COL6A5: variants seen among roughly 807,000 people sequenced by gnomAD.
COL6A5 encodes the protein collagen type VI alpha 5 chain.
In COL6A5, 48 loss-of-function variants were observed where a neutral mutation model predicts 65.6. The ratio of observed to expected loss-of-function variants is 0.73; its 90% CI spans 0.58 to 0.93. COL6A5 has a LOEUF of 0.93. Among genes scored for constraint, COL6A5 ranks in the 40% least tolerant of loss-of-function variants. COL6A5 has a pLI of 0.00. For missense variants in COL6A5, 914 were observed against 928.3 expected (o/e 0.98, Z 0.20); for synonymous variants, 291 against 322.8 (o/e 0.90, Z 1.05).
chr3:130,446,279 G>A (rs999099631), intron 4 of COL6A5, among the ~76,000 whole-genome samples: 1 of 151,274 alleles, frequency 6.6e-6, no homozygotes, highest in Non-Finnish European at 1.5e-5. Context: ...CTATCCAGGT[G>A]AGAGGTCGAA....
exon 1 of COL6A5, chr3:130,431,942 C>A (rs1559900144): frequency 1.9e-6 from 3 of 1,548,588 alleles, no homozygotes; most frequent in Admixed American, 2.0e-5. Context: ...TTCCTTGAAG[C>A]TTTTGGGGTA....
exon 7 of COL6A5, chr3:130,470,948 G>A (rs1709936493): frequency 6.2e-7 from 1 of 1,611,786 alleles, no homozygotes; most frequent in Admixed American, 1.7e-5. Flanking sequence ...AGAGAACGGT[G>A]GCACAGAAAA....
At chr3:130,454,756 A>C (rs1709526281) in intron 4 of COL6A5, among the ~76,000 whole-genome samples, 1 of 152,188 alleles carries the variant, frequency 6.6e-6, no homozygotes, top group Non-Finnish European at 1.5e-5. Flanking sequence ...TGGTAGATTA[A>C]GTATTTTCTG....
chr3:130,449,092 A>C (rs1296065226), intron 4 of COL6A5, among the ~76,000 whole-genome samples: 1 of 152,180 alleles, frequency 6.6e-6, no homozygotes, highest in Non-Finnish European at 1.5e-5. Context: ...CCAAGTTGTA[A>C]GTGTTCAGAA....
exon 1 of COL6A5, chr3:130,431,539 A>G (rs911029150): frequency 3.2e-6 from 5 of 1,551,580 alleles, no homozygotes; most frequent in Non-Finnish European, 3.5e-6. Flanking sequence ...AGAGAGCTTT[A>G]ATAAAACACG....
At chr3:130,403,567 G>A (rs538217927) in intron 12 of COL6A5, 42 bp from the exon 13 acceptor site, 7 of 1,268,452 alleles carry the variant, frequency 5.5e-6, no homozygotes, top group Middle Eastern at 1.9e-4. Flanking sequence ...GACTTTATTG[G>A]GGGGGGGTGA....
intron 24 of COL6A5, among the ~76,000 whole-genome samples, chr3:130,417,976 C>T (rs1937399883): frequency 6.6e-6 from 1 of 151,944 alleles, no homozygotes; most frequent in African/African-American, 2.4e-5. Context: ...AGCATGGTGA[C>T]TGTGGTTAAA....
At chr3:130,351,054 A>C (rs573500946) in intron 1 of COL6A5, among the ~76,000 whole-genome samples, 1 of 152,172 alleles carries the variant, frequency 6.6e-6, no homozygotes, top group Non-Finnish European at 1.5e-5. Context: ...CAAAAGCAAG[A>C]AATGGGGAAA....
At chr3:130,462,564 T>C (rs1709725467) in intron 5 of COL6A5, among the ~76,000 whole-genome samples, 1 of 152,114 alleles carries the variant, frequency 6.6e-6, no homozygotes, top group Admixed American at 6.6e-5. Context: ...TCAAAAACCT[T>C]GTAAGATTGT....
At position 130,426,162 on chromosome 3, in the gene COL6A5, TAA is replaced by T. The variant is rs1199209226; in HGVS notation, c.5164-50_5164-49del. On this transcript the variant is annotated intron_variant and NMD_transcript_variant, in intron 29 of 41. Transcript: ENST00000312481. ...TTTGTCTTGTTTTATTACTAAAGAC[TAA>T]AGACTTCAGTTGGCATACCACTAAC... 7.9e-6 allele frequency: 12 copies of T among 1,526,246 alleles called. No individual in the cohort carries two copies. In the East Asian group the frequency reaches 2.7e-4, roughly 34 times the overall value. 94.5% of individuals were successfully genotyped at this position (1,526,246 alleles called of 1,614,324 possible).
At chr3:130,444,702 A>G (rs1374332701) in intron 4 of COL6A5, among the ~76,000 whole-genome samples, 1 of 152,174 alleles carries the variant, frequency 6.6e-6, no homozygotes, top group Non-Finnish European at 1.5e-5. Context: ...AATTTACTAC[A>G]GTGGAGCCCC....
At chr3:130,441,525 T>C (rs1709180858) in intron 3 of COL6A5, among the ~76,000 whole-genome samples, 1 of 152,192 alleles carries the variant, frequency 6.6e-6, no homozygotes, top group Non-Finnish European at 1.5e-5. Flanking sequence ...TACAGTTGCA[T>C]GACCAGTGGA....
At chr3:130,449,137 A>G (rs1709369787) in intron 4 of COL6A5, among the ~76,000 whole-genome samples, 1 of 152,166 alleles carries the variant, frequency 6.6e-6, no homozygotes, top group Admixed American at 6.5e-5. Flanking sequence ...TTTTCTTTAG[A>G]AAGCAGCCAC....
exon 28 of COL6A5, chr3:130,422,774 G>A: frequency 2.0e-6 from 3 of 1,504,080 alleles, no homozygotes; most frequent in South Asian, 2.6e-5. Context: ...AGGATTTAGG[G>A]GACTAGCAGT....
chr3:130,388,639 A>C lies in COL6A5; in HGVS notation c.1921A>C (p.Asn641His), dbSNP rs9882852. Residue 641 changes from asparagine to histidine, a missense_variant and NMD_transcript_variant, in exon 6 of 42, where the codon AAT (asparagine) becomes CAT (histidine). Coordinates refer to the COL6A5 transcript ENST00000312481. ...GGTGGACAGTTCTTGGAGTATAGGA[A>C]ATGAAAATTTTAGGAAAATGAAAAT... 4.4e-3 allele frequency: 6,821 copies of C among 1,551,100 alleles called. 29 individuals carry two copies. The highest frequency in any genetic ancestry group is 0.021 in the African/African-American group (1,554 of 73,106).
At chr3:130,480,706 G>A (rs1195699076) in intron 7 of COL6A5, among the ~76,000 whole-genome samples, 1 of 152,122 alleles carries the variant, frequency 6.6e-6, no homozygotes, top group Non-Finnish European at 1.5e-5. Flanking sequence ...AAGGCAAGAA[G>A]TAGATGTTTT....
intron 7 of COL6A5, among the ~76,000 whole-genome samples, chr3:130,482,059 A>G (rs1333077651): frequency 1.1e-4 from 16 of 151,884 alleles, no homozygotes; most frequent in Non-Finnish European, 2.1e-4. Flanking sequence ...ATTAGATTCC[A>G]TTTGTCAATT....
chr3:130,459,495 C>G (rs1025863241), intron 5 of COL6A5, among the ~76,000 whole-genome samples: 1 of 151,974 alleles, frequency 6.6e-6, no homozygotes, highest in Non-Finnish European at 1.5e-5. Context: ...TTTTAATTGT[C>G]AAAACTGGAG....
intron 25 of COL6A5, 127 bp downstream of exon 25, chr3:130,419,058 TGAGA>T: frequency 5.4e-6 from 4 of 735,982 alleles, no homozygotes; most frequent in Non-Finnish European, 9.4e-6. Context: ...TAGGAAAATG[TGAGA>T]ACATTTCTCC....
Sources: allele counts gnomAD v4.1 joint callset (sites outside exome capture counted in the v4.1 genomes callset), GRCh38; gene constraint gnomAD v4.1.1; transcripts MANE v1.5; gene names NCBI Gene and HGNC (gene_info 2026-07-23, HGNC 2026-07-21).